The following RGS6 variants were observed in gnomAD, a reference collection of about 807,000 sequenced individuals.
RGS6 encodes the protein regulator of G-protein signaling 6.
In RGS6, 30 loss-of-function variants were observed where a neutral mutation model predicts 78.5. That is an observed-to-expected ratio of 0.38 (90% CI 0.29 to 0.52). RGS6 has a LOEUF of 0.52. RGS6 is among the 20% of genes least tolerant of loss of function. The pLI, the probability that RGS6 is intolerant of heterozygous loss-of-function variation, is 0.85. For missense variants in RGS6, 495 were observed against 609.7 expected, an observed-to-expected ratio of 0.81 and a Z score of 1.98; for synonymous variants, 206 against 206.0, an observed-to-expected ratio of 1.00 and a Z score of 0.00.
intron 2 of RGS6, among the ~76,000 whole-genome samples, chr14:72,229,787 T>C (rs2049087449): frequency 6.6e-6 from 1 of 152,210 alleles, no homozygotes; most frequent in African/African-American, 2.4e-5. Flanking sequence ...TCTCTCTCCC[T>C]TGCACTTTTG....
the RGS6 span, among the ~76,000 whole-genome samples, chr14:72,580,901 CA>C: frequency 6.6e-6 from 1 of 152,228 alleles, no homozygotes; most frequent in Non-Finnish European, 1.5e-5. Context: ...GGAGCAAGAA[CA>C]AGGCATGAGC....
intron 11 of RGS6, 22 bp downstream of exon 11, chr14:72,476,862 A>G (rs760452760): frequency 6.3e-7 from 1 of 1,598,262 alleles, no homozygotes; most frequent in Non-Finnish European, 8.6e-7. Flanking sequence ...GACAGCTTGC[A>G]CTCTCAGGAG....
chr14:72,222,102 A>G (rs1032207214), intron 2 of RGS6, among the ~76,000 whole-genome samples: 3 of 152,228 alleles, frequency 2.0e-5, no homozygotes, highest in Non-Finnish European at 4.4e-5. Flanking sequence ...TAATACTAGC[A>G]TTGTGATCTG....
chr14:72,610,211 C>G, the RGS6 span, among the ~76,000 whole-genome samples: 1 of 152,210 alleles, frequency 6.6e-6, no homozygotes, highest in African/African-American at 2.4e-5. Flanking sequence ...ATGGAGGCAG[C>G]AATTGGAGAT....
At chr14:72,559,468 C>G (rs145488536) in intron 17 of RGS6, among the ~76,000 whole-genome samples, 1 of 152,216 alleles carries the variant, frequency 6.6e-6, no homozygotes, top group Non-Finnish European at 1.5e-5. Context: ...CTCACTCACG[C>G]GGGAGGTCAC....
the RGS6 span, among the ~76,000 whole-genome samples, chr14:72,597,984 T>A: frequency 6.6e-6 from 1 of 152,208 alleles, no homozygotes; most frequent in Non-Finnish European, 1.5e-5. Flanking sequence ...CCTCCTAAAA[T>A]GGCCCACTTT....
At chr14:72,113,945 C>T (rs1209546371) in intron 2 of RGS6, among the ~76,000 whole-genome samples, 4 of 152,132 alleles carry the variant, frequency 2.6e-5, no homozygotes, top group African/African-American at 9.7e-5. Flanking sequence ...ATTGTATTAT[C>T]ACTGCTCTGT....
At chr14:72,550,714 A>T in intron 17 of RGS6, 1 of 1,351,432 alleles carries the variant, frequency 7.4e-7, no homozygotes, top group South Asian at 1.6e-5. Flanking sequence ...GTGGTTTTAC[A>T]CCTGATGGAG....
chr14:72,626,636 ACC>A, the RGS6 span, among the ~76,000 whole-genome samples: 2 of 152,138 alleles, frequency 1.3e-5, no homozygotes, highest in African/African-American at 4.8e-5. Context: ...GAACAATGCT[ACC>A]ACAAATAACC....
At chr14:72,418,457 G>T (rs182956880) in intron 3 of RGS6, among the ~76,000 whole-genome samples, 1 of 152,094 alleles carries the variant, frequency 6.6e-6, no homozygotes, top group South Asian at 2.1e-4. Context: ...ATGAGCCACC[G>T]CGCCCGGCCC....
rs1477985558 is a variant in RGS6 at position 71,995,441 on chromosome 14, C to CATA, written c.84+30567_84+30568insTAA. Among the ~76,000 whole-genome samples the CATA allele has an allele frequency of 2.0e-5, 3 of 152,324 alleles. No homozygotes were observed. In the East Asian group the frequency reaches 5.8e-4, roughly 29 times the overall value. On this transcript the variant is annotated intron_variant, in intron 2 of 17. Coordinates refer to ENST00000553525, the MANE Select transcript of RGS6 (RefSeq NM_001204424.2). ...GGTGGAAGTGATTGCCTCTGCCTCA[C>CATA]AGGGACATAAGTGGAAAGCTTCAGA...
At chr14:72,592,882 C>T in the RGS6 span, among the ~76,000 whole-genome samples, 24 of 152,308 alleles carry the variant, frequency 1.6e-4, no homozygotes, top group Admixed American at 3.3e-4. Flanking sequence ...CAGAATGTGG[C>T]TGACCTACAA....
intron 2 of RGS6, among the ~76,000 whole-genome samples, chr14:72,340,134 C>G (rs1252571942): frequency 1.3e-5 from 2 of 152,146 alleles, no homozygotes; most frequent in South Asian, 2.1e-4. Context: ...CTCTGCTTCC[C>G]CTTTGGGACT....
the RGS6 span, among the ~76,000 whole-genome samples, chr14:71,896,155 G>T: frequency 6.6e-6 from 1 of 152,124 alleles, no homozygotes; most frequent in Non-Finnish European, 1.5e-5. Flanking sequence ...GACCCCAAGA[G>T]AGCGTTCTTG....
intron 2 of RGS6, among the ~76,000 whole-genome samples, chr14:72,217,339 T>G (rs1201953565): frequency 6.6e-6 from 1 of 152,116 alleles, no homozygotes; most frequent in Non-Finnish European, 1.5e-5. Context: ...TCAGTTGCAT[T>G]CCCACAGGAA....
intron 3 of RGS6, among the ~76,000 whole-genome samples, chr14:72,453,387 G>A (rs1378907589): frequency 2.6e-5 from 4 of 151,514 alleles, no homozygotes; most frequent in African/African-American, 4.9e-5. Flanking sequence ...AGGCCGAGGC[G>A]GGCGGATCAC....
At position 72,436,234 on chromosome 14, in the gene RGS6, T is replaced by C. The variant is rs536782057; in HGVS notation, c.185-18294T>C. Among the ~76,000 whole-genome samples the C allele has an allele frequency of 6.6e-5, 10 of 152,076 alleles. No individual in the cohort carries two copies. In the South Asian group the frequency reaches 1.5e-3, roughly 22 times the overall value. The stretch of plus-strand genomic sequence containing the variant: ...AGCCACCTTTTACCAAATACACTTC[T>C]ATCTTGTTTAAGCTACTGCCATCTT... On this transcript the variant is annotated intron_variant, in intron 3 of 17. Coordinates refer to ENST00000553525, the MANE Select transcript of RGS6 (RefSeq NM_001204424.2).
intron 3 of RGS6, among the ~76,000 whole-genome samples, chr14:72,363,198 A>G (rs1229666938): frequency 1.3e-5 from 2 of 152,232 alleles, no homozygotes; most frequent in African/African-American, 2.4e-5. Flanking sequence ...TACCCTGCTC[A>G]GATGGACTGC....
chr14:72,214,836 G>T (rs2045166869), intron 2 of RGS6, among the ~76,000 whole-genome samples: 3 of 152,064 alleles, frequency 2.0e-5, no homozygotes, highest in Non-Finnish European at 2.9e-5. Context: ...ACCAGGTAAG[G>T]ATGGAAGAAA....
Sources: allele counts gnomAD v4.1 joint callset (sites outside exome capture counted in the v4.1 genomes callset), GRCh38; gene constraint gnomAD v4.1.1; transcripts MANE v1.5; gene names NCBI Gene and HGNC (gene_info 2026-07-23, HGNC 2026-07-21).